Variants in ALDH1L1 observed in about 807,000 individuals in gnomAD.
ALDH1L1 encodes the protein cytosolic 10-formyltetrahydrofolate dehydrogenase.
ALDH1L1 carries 68 observed loss-of-function variants against 101.1 expected under a neutral mutation model. The observed-to-expected ratio is 0.67, with a 90% CI of 0.55 to 0.82. The LOEUF (loss-of-function observed/expected upper bound fraction) is 0.82, where lower values mean the gene tolerates loss of function less well. Among genes scored for constraint, ALDH1L1 ranks in the 40% least tolerant of loss-of-function variants. The pLI is 0.00. For synonymous variants in ALDH1L1, 486 were observed against 470.8 expected, an observed-to-expected ratio of 1.03 and a Z score of -0.42; for missense variants, 1,087 against 1,172.7, an observed-to-expected ratio of 0.93 and a Z score of 1.07.
chr3:126,136,337 T>C (rs2108250492), intron 11 of ALDH1L1, among the ~76,000 whole-genome samples: 1 of 152,278 alleles, frequency 6.6e-6, no homozygotes, highest in East Asian at 1.9e-4. Flanking sequence ...CTTTGGCTCA[T>C]GATGCCACAA....
intron 7 of ALDH1L1, 130 bp downstream of exon 7, chr3:126,153,314 G>C: frequency 7.0e-7 from 1 of 1,423,998 alleles, no homozygotes; most frequent in Non-Finnish European, 9.7e-7. Flanking sequence ...ATCAGGGTCA[G>C]TGTTCCTTCC....
chr3:126,160,902 C>A lies in ALDH1L1; in HGVS notation c.78G>T (p.Val26=), dbSNP rs1306933797. Residue 26 remains valine, a synonymous_variant, in exon 2 of 23, where the codon GTG becomes GTT. Coordinates refer to ENST00000393434, the MANE Select transcript of ALDH1L1 (RefSeq NM_012190.4). Reference sequence around the variant, plus strand: ...TGTCTGGAACAGTGAACACACCCACCACTTCGTGGCCCTCCTTCCTCAGGT... The same window carrying A: ...TGTCTGGAACAGTGAACACACCCACAACTTCGTGGCCCTCCTTCCTCAGGT... ...YCHLRKEGHE[V]VGVFTVPDKD... 6 of 1,614,268 alleles carry A rather than the reference C, an allele frequency of 3.7e-6. No homozygotes were observed. The highest frequency in any genetic ancestry group is 2.2e-5 in the East Asian group (1 of 44,886).
intron 1 of ALDH1L1, among the ~76,000 whole-genome samples, chr3:126,172,192 T>C (rs1201390819): frequency 6.6e-6 from 1 of 152,100 alleles, no homozygotes; most frequent in Non-Finnish European, 1.5e-5. Flanking sequence ...AATTACAAGA[T>C]ATATAAAAGA....
chr3:126,186,625 G>A (rs1158648072), intron 1 of ALDH1L1, among the ~76,000 whole-genome samples: 2 of 152,006 alleles, frequency 1.3e-5, no homozygotes, highest in Non-Finnish European at 2.9e-5. Flanking sequence ...CAGGGAGCAG[G>A]GAAGACCCAG....
chr3:126,125,575 C>A (rs775418772), intron 15 of ALDH1L1, 41 bp downstream of exon 15: 1 of 1,421,398 alleles, frequency 7.0e-7, no homozygotes, highest in South Asian at 1.6e-5. Context: ...CTGATCCTCT[C>A]TGTGGCCTGC....
chr3:126,190,598 G>A (rs1194657027), intron 1 of ALDH1L1, among the ~76,000 whole-genome samples: 1 of 152,328 alleles, frequency 6.6e-6, no homozygotes, highest in East Asian at 1.9e-4. Context: ...ATCTTATGGA[G>A]TTTATTGAAA....
intron 11 of ALDH1L1, among the ~76,000 whole-genome samples, chr3:126,135,948 TGGGTGTGGTGAGGGGAGCCGGTG>T (rs1424646494): frequency 2.0e-5 from 3 of 152,142 alleles, no homozygotes; most frequent in Non-Finnish European, 2.9e-5. Context: ...TGGTGCCTGC[TGGGTGTGGTGAGGGGAGCCGGTG>T]GGGTGTGGTG....
intron 17 of ALDH1L1, 137 bp downstream of exon 17, chr3:126,117,868 G>C (rs1323008167): frequency 1.2e-6 from 1 of 855,504 alleles, no homozygotes; most frequent in East Asian, 2.7e-5. Flanking sequence ...TTCAGCGTTT[G>C]CATAGAGCCC....
At chr3:126,176,105 A>G (rs1371679407) in intron 1 of ALDH1L1, among the ~76,000 whole-genome samples, 6 of 152,194 alleles carry the variant, frequency 3.9e-5, no homozygotes, top group Non-Finnish European at 1.5e-5. Flanking sequence ...TAGCACCAAA[A>G]AGTGAATTAT....
Position 126,158,396 on chromosome 3 carries a change from C to G in ALDH1L1, c.362+9G>C. The stretch of plus-strand genomic sequence containing the variant: ...GGGGATGGCCCCCTGTGTTTTTGCC[C>G]CATCTCACCAGTTGATGGCCGAGGC... On this transcript the variant is annotated intron_variant, in intron 3 of 22. Coordinates refer to ENST00000393434, the MANE Select transcript of ALDH1L1 (RefSeq NM_012190.4). 6.4e-7 allele frequency: 1 copy of G among 1,566,048 alleles called. No individual in the cohort carries two copies. The highest frequency in any genetic ancestry group is 8.7e-7 in the Non-Finnish European group (1 of 1,150,274).
chr3:126,172,323 T>C (rs918691168), intron 1 of ALDH1L1, among the ~76,000 whole-genome samples: 5 of 151,924 alleles, frequency 3.3e-5, no homozygotes, highest in Non-Finnish European at 5.9e-5. Flanking sequence ...AGAGCTCTAA[T>C]GGAAAAATGT....
intron 1 of ALDH1L1, among the ~76,000 whole-genome samples, chr3:126,191,657 A>G (rs1013612582): frequency 1.3e-5 from 2 of 152,134 alleles, no homozygotes; most frequent in Non-Finnish European, 2.9e-5. Context: ...AAACCTCTTC[A>G]CTGTCTTTTA....
chr3:126,155,181 A>G (rs2080880326), intron 5 of ALDH1L1, among the ~76,000 whole-genome samples: 1 of 152,200 alleles, frequency 6.6e-6, no homozygotes, highest in African/African-American at 2.4e-5. Flanking sequence ...GAGGAACAGG[A>G]AAGAACCTGG....
chr3:126,122,027 G>T (rs2080089629), intron 16 of ALDH1L1, among the ~76,000 whole-genome samples: 1 of 152,180 alleles, frequency 6.6e-6, no homozygotes, highest in Non-Finnish European at 1.5e-5. Flanking sequence ...TATTCAAACT[G>T]CAAGGCAGAA....
intron 1 of ALDH1L1, among the ~76,000 whole-genome samples, chr3:126,197,236 G>A (rs1221601226): frequency 6.6e-6 from 1 of 152,178 alleles, no homozygotes; most frequent in African/African-American, 2.4e-5. Context: ...GTTTCTGTAA[G>A]ACTTTGCTGC....
intron 1 of ALDH1L1, among the ~76,000 whole-genome samples, chr3:126,196,057 C>T (rs1190604550): frequency 2.0e-5 from 3 of 152,044 alleles, no homozygotes; most frequent in Non-Finnish European, 4.4e-5. Context: ...CACATGTATA[C>T]ATATGTAACA....
At chr3:126,159,748 G>A (rs986195629) in intron 2 of ALDH1L1, among the ~76,000 whole-genome samples, 9 of 152,196 alleles carry the variant, frequency 5.9e-5, no homozygotes, top group African/African-American at 1.9e-4. Flanking sequence ...TCACTTAGTG[G>A]CTGGGTGTAG....
intron 1 of ALDH1L1, among the ~76,000 whole-genome samples, chr3:126,168,186 CTT>C (rs1214546512): frequency 6.6e-6 from 1 of 152,048 alleles, no homozygotes; most frequent in African/African-American, 2.4e-5. Context: ...AAATAAAACT[CTT>C]GTGTGTTAAC....
At chr3:126,192,018 C>A (rs780344021) in intron 1 of ALDH1L1, among the ~76,000 whole-genome samples, 2 of 152,094 alleles carry the variant, frequency 1.3e-5, no homozygotes, top group Admixed American at 1.3e-4. Flanking sequence ...AAGTAAAAAG[C>A]GAACAAATAC....
Sources: gnomAD v4.1 joint callset for allele counts (sites outside exome capture counted in the v4.1 genomes callset) on GRCh38, gnomAD v4.1.1 for gene constraint, MANE v1.5 for transcripts, NCBI Gene and HGNC (gene_info 2026-07-23, HGNC 2026-07-21) for gene names.